Variants in ACOX2 observed in about 807,000 individuals in gnomAD.
ACOX2 encodes the protein peroxisomal acyl-coenzyme A oxidase 2.
ACOX2 carries 59 observed loss-of-function variants against 77.5 expected under a neutral mutation model. The observed-to-expected ratio is 0.76, with a 90% CI of 0.62 to 0.95. The LOEUF is 0.95. Ranked by LOEUF, ACOX2 falls within the 40% of genes least tolerant of loss-of-function variation. The pLI, the probability that ACOX2 is intolerant of heterozygous loss-of-function variation, is 0.00. For missense variants in ACOX2, 837 were observed against 880.4 expected, an observed-to-expected ratio of 0.95 and a Z score of 0.62; for synonymous variants, 317 against 340.1, an observed-to-expected ratio of 0.93 and a Z score of 0.75.
intron 13 of ACOX2, among the ~76,000 whole-genome samples, chr3:58,509,975 G>A (rs1308069293): frequency 1.3e-5 from 2 of 152,102 alleles, no homozygotes; most frequent in Non-Finnish European, 2.9e-5. Flanking sequence ...TTATATTGCT[G>A]CTTGTTGATG....
chr3:58,531,523 C>T lies in ACOX2; in HGVS notation c.704-157G>A. 7.9e-7 allele frequency: 1 copy of T among 1,258,738 alleles called. No individual in the cohort carries two copies. Among genetic ancestry groups the T allele is most frequent in the East Asian group, 2.5e-5 (1 of 40,292 alleles). 78.0% of individuals were successfully genotyped at this position (1,258,738 alleles called of 1,614,324 possible). A position where few individuals can be genotyped will look rare whatever the true frequency, so the allele number is the denominator to read the frequency against. ...AGCTGAGGTCAGAAAGATGCTAAAT[C>T]TTGCTCAAGTTCACCTAGCCAGTTA... On this transcript the variant is annotated intron_variant, in intron 6 of 14. Coordinates refer to ENST00000302819, the MANE Select transcript of ACOX2 (RefSeq NM_003500.4). The surrounding 1 kb of genome is among the most constrained non-coding windows in gnomAD (Gnocchi z 5.8).
Position 58,522,722 on chromosome 3 carries a change from A to T in ACOX2, c.1527-121T>A, listed in dbSNP as rs1331035092. 6 of 821,300 alleles carry T rather than the reference A, an allele frequency of 7.3e-6. No homozygotes were observed. Among genetic ancestry groups the T allele is most frequent in the Non-Finnish European group, 1.0e-5 (5 of 498,750 alleles). The allele number at this position is 821,300 out of a possible 1,614,324, so 50.9% of individuals were successfully genotyped here. On this transcript the variant is annotated intron_variant, in intron 11 of 14. Coordinates refer to ENST00000302819, the MANE Select transcript of ACOX2 (RefSeq NM_003500.4). This position sits in a 1 kb window ranked among gnomAD's most constrained non-coding sequence, Gnocchi z 4.3. ...GTTTATTGACCACTTATGTGCCATA[A>T]AGCTAAATGATTGATATTTATTATC...
In ACOX2 at chr3:58,523,856, AT is replaced by A. The variant is rs2108000874; in HGVS notation, c.1526+569del. Among the ~76,000 whole-genome samples, 1 of 152,300 alleles carries A rather than the reference AT, an allele frequency of 6.6e-6. No individual in the cohort carries two copies. The highest frequency in any genetic ancestry group is 2.1e-4 in the South Asian group (1 of 4,828). The stretch of plus-strand genomic sequence containing the variant: ...ATGTGTGTTTGGTCAGGACCTCTCT[AT>A]TCCCAGCCCCTGGCACATTTGTTCA... On this transcript the variant is annotated intron_variant, in intron 11 of 14. Coordinates refer to ENST00000302819, the MANE Select transcript of ACOX2 (RefSeq NM_003500.4). This position sits in a 1 kb window ranked among gnomAD's most constrained non-coding sequence, Gnocchi z 5.3.
intron 13 of ACOX2, 92 bp from the exon 14 acceptor site, chr3:58,509,117 G>C: frequency 7.0e-7 from 1 of 1,421,154 alleles, no homozygotes; most frequent in Non-Finnish European, 9.7e-7. Flanking sequence ...CTAATTAGAG[G>C]TTGCATGATT....
rs748653240 is a variant in ACOX2 at position 58,530,648 on chromosome 3, A to G, written c.820-10T>C. ...TGCCATCTGGCAAGACCTGTGTGGA[A>G]CAAGGACGGGCACAAGTTCTGGGCC... On this transcript the variant is annotated splice_polypyrimidine_tract_variant and intron_variant, in intron 7 of 14. Coordinates refer to ENST00000302819, the MANE Select transcript of ACOX2 (RefSeq NM_003500.4). The G allele has an allele frequency of 6.2e-7, 1 of 1,612,518 alleles. No individual in the cohort carries two copies. The highest frequency in any genetic ancestry group is 1.3e-5 in the African/African-American group (1 of 74,914).
At position 58,514,270 on chromosome 3, in the gene ACOX2, C is replaced by T. The variant is rs1285260505; in HGVS notation, c.1850+2936G>A. Reference sequence around the variant, plus strand: ...AGCCTGGACAACACAGAGACAACATCTCTTTCTCTTTGTGGGTTTATGCCT... The same window carrying T: ...AGCCTGGACAACACAGAGACAACATTTCTTTCTCTTTGTGGGTTTATGCCT... On this transcript the variant is annotated intron_variant, in intron 13 of 14. Coordinates refer to ENST00000302819, the MANE Select transcript of ACOX2 (RefSeq NM_003500.4). This position sits in a 1 kb window ranked among gnomAD's most constrained non-coding sequence, Gnocchi z 4.3. Among the ~76,000 whole-genome samples, 2 of 152,164 alleles carry T rather than the reference C, an allele frequency of 1.3e-5. No individual in the cohort carries two copies. Among genetic ancestry groups the T allele is most frequent in the South Asian group, 4.1e-4 (2 of 4,824 alleles).
Position 58,522,401 on chromosome 3 carries a change from T to C in ACOX2, c.1632+95A>G. On this transcript the variant is annotated intron_variant, in intron 12 of 14. Coordinates refer to ENST00000302819, the MANE Select transcript of ACOX2 (RefSeq NM_003500.4). This position sits in a 1 kb window ranked among gnomAD's most constrained non-coding sequence, Gnocchi z 4.3. ...GAGGGCAGCCGCCACTGAAGCAGAG[T>C]TGGGGAATAATGGCAGAGCCCGGAT... 8.3e-7 allele frequency: 1 copy of C among 1,201,050 alleles called. No homozygotes were observed. Among genetic ancestry groups the C allele is most frequent in the African/African-American group, 1.5e-5 (1 of 66,452 alleles). The allele number at this position is 1,201,050 out of a possible 1,614,324, so 74.4% of individuals were successfully genotyped here. A position where few individuals can be genotyped will look rare whatever the true frequency, so the allele number is the denominator to read the frequency against.
At position 58,531,458 on chromosome 3, in the gene ACOX2, T is replaced by G; in HGVS notation, c.704-92A>C. ...ACACACATTCCAGGTCACAGCAGCC[T>G]GTGACACTGGGATTATTGTACCTAT... On this transcript the variant is annotated intron_variant, in intron 6 of 14. Coordinates refer to ENST00000302819, the MANE Select transcript of ACOX2 (RefSeq NM_003500.4). This position sits in a 1 kb window ranked among gnomAD's most constrained non-coding sequence, Gnocchi z 5.8. The G allele has an allele frequency of 7.7e-7, 1 of 1,298,648 alleles. No homozygotes were observed. Among genetic ancestry groups the G allele is most frequent in the South Asian group, 1.3e-5 (1 of 76,080 alleles). 80.4% of individuals were successfully genotyped at this position (1,298,648 alleles called of 1,614,324 possible).
rs1049724863 is a variant in ACOX2, at chr3:58,528,085, A to G, written c.1155+709T>C. 2.0e-5 allele frequency among the ~76,000 whole-genome samples: 3 copies of G among 152,232 alleles called. No homozygotes were observed. The highest frequency in any genetic ancestry group is 4.4e-5 in the Non-Finnish European group (3 of 68,038). ...AACAGGACAGAGGCTGCTGGGCAGC[A>G]GGACTGCTTTCAGATTTTGGTTCTT... is the stretch of plus-strand genomic sequence containing the variant. On this transcript the variant is annotated intron_variant, in intron 9 of 14. Transcript: ENST00000302819. This position sits in a 1 kb window ranked among gnomAD's most constrained non-coding sequence, Gnocchi z 5.6.
Position 58,528,235 on chromosome 3 carries a change from AC to A in ACOX2, c.1155+558del, listed in dbSNP as rs1677013688. Among the ~76,000 whole-genome samples, 5 of 152,196 alleles carry A rather than the reference AC, an allele frequency of 3.3e-5. No individual in the cohort carries two copies. Among genetic ancestry groups the A allele is most frequent in the Admixed American group, 3.3e-4 (5 of 15,288 alleles). ...GTGCTTATAAAGCATGGTAGCCTGG[AC>A]AGACTGAATTTTACTATATATGTAA... On this transcript the variant is annotated intron_variant, in intron 9 of 14. Transcript: ENST00000302819. This position sits in a 1 kb window ranked among gnomAD's most constrained non-coding sequence, Gnocchi z 5.6.
chr3:58,529,022 C>G, intron 8 of ACOX2, 66 bp from the exon 9 acceptor site: 1 of 1,470,296 alleles, frequency 6.8e-7, no homozygotes, highest in South Asian at 1.5e-5. Context: ...CTATCCCCGA[C>G]ACCATAAAAA....
At position 58,522,695 on chromosome 3, in the gene ACOX2, C is replaced by T; in HGVS notation, c.1527-94G>A. 1 of 1,074,124 alleles carries T rather than the reference C, an allele frequency of 9.3e-7. No homozygotes were observed. Among genetic ancestry groups the T allele is most frequent in the Non-Finnish European group, 1.4e-6 (1 of 697,346 alleles). The allele number at this position is 1,074,124 out of a possible 1,614,324, so 66.5% of individuals were successfully genotyped here. A position where few individuals can be genotyped will look rare whatever the true frequency, so the allele number is the denominator to read the frequency against. ...GGTCCCTCAGAAGTAGAAATAATGC[C>T]TGTTTATTGACCACTTATGTGCCAT... is the stretch of plus-strand genomic sequence containing the variant. On this transcript the variant is annotated intron_variant, in intron 11 of 14. Coordinates refer to ENST00000302819, the MANE Select transcript of ACOX2 (RefSeq NM_003500.4). This position sits in a 1 kb window ranked among gnomAD's most constrained non-coding sequence, Gnocchi z 4.3.
intron 9 of ACOX2, among the ~76,000 whole-genome samples, chr3:58,527,916 G>A (rs2063409417): frequency 6.7e-6 from 1 of 149,978 alleles, no homozygotes; most frequent in African/African-American, 2.5e-5. Flanking sequence ...TGCTCAGGCT[G>A]GTCTTGTCTT....
chr3:58,526,791 CT>C lies in ACOX2; in HGVS notation c.1156-136del. On this transcript the variant is annotated intron_variant, in intron 9 of 14. Coordinates refer to ENST00000302819, the MANE Select transcript of ACOX2 (RefSeq NM_003500.4). The surrounding 1 kb of genome is among the most constrained non-coding windows in gnomAD (Gnocchi z 4.3). ...TAAGAAGTGTTTCCTCTGCTCACAA[CT>C]TTATGAATGAGAAGGCGGGTACTCA... The C allele has an allele frequency of 1.0e-6, 1 of 955,704 alleles. No homozygotes were observed. The highest frequency in any genetic ancestry group is 1.5e-6 in the Non-Finnish European group (1 of 655,088). The allele number at this position is 955,704 out of a possible 1,614,324, so 59.2% of individuals were successfully genotyped here. A position where few individuals can be genotyped will look rare whatever the true frequency, so the allele number is the denominator to read the frequency against.
At position 58,508,985 on chromosome 3, in the gene ACOX2, C is replaced by T. The variant is rs1383456151; in HGVS notation, c.1891G>A (p.Asp631Asn). ...ILLTDAFDFT[D>N]QCLNSALGCY... ...CCAAGTGCTGAATTTAAACACTGAT[C>T]GGTGAAGTCAAAAGCATCAGTTAAC... is the stretch of plus-strand genomic sequence containing the variant. The change falls in exon 14 of 15, where the codon GAT (aspartate) becomes AAT (asparagine). Residue 631 changes from aspartate to asparagine, a missense_variant. Physicochemically the swap from Asp to Asn is conservative, Grantham distance 23 (BLOSUM62 1). Coordinates refer to ENST00000302819, the MANE Select transcript of ACOX2 (RefSeq NM_003500.4). 8.1e-6 allele frequency: 13 copies of T among 1,614,090 alleles called. No individual in the cohort carries two copies. Among genetic ancestry groups the T allele is most frequent in the East Asian group, 4.5e-5 (2 of 44,874 alleles).
intron 12 of ACOX2, among the ~76,000 whole-genome samples, chr3:58,518,457 T>G (rs1228760073): frequency 6.6e-6 from 1 of 152,184 alleles, no homozygotes; most frequent in Non-Finnish European, 1.5e-5. Context: ...CTTCAGGACC[T>G]TGCTTCCCCT....
Position 58,531,164 on chromosome 3 carries a change from C to A in ACOX2, c.819+87G>T, listed in dbSNP as rs886247142. On this transcript the variant is annotated intron_variant, in intron 7 of 14. Transcript: ENST00000302819. The surrounding 1 kb of genome is among the most constrained non-coding windows in gnomAD (Gnocchi z 5.8). ...AGGAGGTTATGTGGCCCAAACTAAGCTCTATGGAGGACCCAGGCCCAGCCT... is the reference window on the plus strand; with the variant it reads ...AGGAGGTTATGTGGCCCAAACTAAGATCTATGGAGGACCCAGGCCCAGCCT... 4.1e-6 allele frequency: 5 copies of A among 1,229,066 alleles called. No individual in the cohort carries two copies. The South Asian group carries it at 5.7e-5, about 14-fold the overall frequency. The allele number at this position is 1,229,066 out of a possible 1,614,324, so 76.1% of individuals were successfully genotyped here.
At position 58,526,513 on chromosome 3, in the gene ACOX2, G is replaced by A. The variant is rs771872968; in HGVS notation, c.1299C>T (p.Ser433=). ...LPSLVTKLSA[S]CTYEGENTVL... Reference sequence around the variant, plus strand: ...CTGTGTTCTCACCCTCGTAGGTACAGGAGGCCGACAATTTGGTGACCAGTG... The same window carrying A: ...CTGTGTTCTCACCCTCGTAGGTACAAGAGGCCGACAATTTGGTGACCAGTG... The change falls in exon 10 of 15, where the codon TCC becomes TCT. Residue 433 remains serine, a synonymous_variant. Transcript: ENST00000302819. The surrounding 1 kb of genome is among the most constrained non-coding windows in gnomAD (Gnocchi z 4.3). 5 of 1,614,198 alleles carry A rather than the reference G, an allele frequency of 3.1e-6. No homozygotes were observed. In the South Asian group the frequency reaches 4.4e-5, roughly 14 times the overall value.
In ACOX2 at chr3:58,523,918, T is replaced by G. The variant is rs2063376561; in HGVS notation, c.1526+508A>C. 6.6e-6 allele frequency among the ~76,000 whole-genome samples: 1 copy of G among 152,216 alleles called. No homozygotes were observed. Among genetic ancestry groups the G allele is most frequent in the South Asian group, 2.1e-4 (1 of 4,834 alleles). ...ATAGTAGGTACTGAACAATATTTGT[T>G]GAATGACAGAATGGATGAGTCCTTG... On this transcript the variant is annotated intron_variant, in intron 11 of 14. Transcript: ENST00000302819. This position sits in a 1 kb window ranked among gnomAD's most constrained non-coding sequence, Gnocchi z 5.3.
Sources: allele counts gnomAD v4.1 joint callset (sites outside exome capture counted in the v4.1 genomes callset), GRCh38; gene constraint gnomAD v4.1.1; non-coding constraint Gnocchi (gnomAD v3.1); transcripts MANE v1.5; gene names NCBI Gene and HGNC (gene_info 2026-07-23, HGNC 2026-07-21).